BTN3A3: variants seen among roughly 807,000 people sequenced by gnomAD.
BTN3A3 encodes butyrophilin 3.
In BTN3A3, 39 loss-of-function variants were observed where a neutral mutation model predicts 43.2. The observed-to-expected ratio is 0.90, with a 90% CI of 0.70 to 1.18. BTN3A3 has a LOEUF of 1.18. Among genes scored for constraint, BTN3A3 ranks in the 50% most tolerant of loss-of-function variants. BTN3A3 has a pLI of 0.00. For synonymous variants in BTN3A3, 255 were observed against 272.7 expected, an observed-to-expected ratio of 0.93 and a Z score of 0.64; for missense variants, 631 against 722.8, an observed-to-expected ratio of 0.87 and a Z score of 1.46.
chr6:26,448,321 C>T lies in BTN3A3; in HGVS notation c.789C>T (p.Leu263=), dbSNP rs371725478. The T allele has an allele frequency of 8.1e-6, 13 of 1,613,614 alleles. No individual in the cohort carries two copies. The highest frequency in any genetic ancestry group is 4.4e-5 in the South Asian group (4 of 91,054). Reference sequence around the variant, plus strand: ...CCCTGCCTATCTCGTTGCTGCTTCTCGCAGGAGCCAGTTACTTCTTGTGGA... The same window carrying T: ...CCCTGCCTATCTCGTTGCTGCTTCTTGCAGGAGCCAGTTACTTCTTGTGGA... ...AGTLPISLLL[L]AGASYFLWRQ... is the part of the protein sequence containing the mutation. The change falls in exon 6 of 11, where the codon CTC becomes CTT. Residue 263 remains leucine, a synonymous_variant. Coordinates refer to ENST00000244519, the MANE Select transcript of BTN3A3 (RefSeq NM_006994.5).
At chr6:26,449,162 A>G (rs1762862516) in intron 8 of BTN3A3, 1 of 219,326 alleles carries the variant, frequency 4.6e-6, no homozygotes, top group African/African-American at 2.3e-5. Context: ...AAGAGATAAG[A>G]AAATCAGAAA....
At chr6:26,443,760 C>T (rs1210655370) in intron 3 of BTN3A3, 101 bp downstream of exon 3, 42 of 1,502,308 alleles carry the variant, frequency 2.8e-5, no homozygotes, top group Non-Finnish European at 3.7e-5. Context: ...CTCTTAGAAC[C>T]TTTAACTCAT....
Position 26,445,877 on chromosome 6 carries a change from G to A in BTN3A3, c.607G>A (p.Ala203Thr), listed in dbSNP as rs759929819. Residue 203 changes from alanine to threonine, a missense_variant, in exon 5 of 11, where the codon GCA becomes ACA. Around this residue, in one of 2 missense-constraint regions of BTN3A3, gnomAD observed 551 missense variants for 584.0 expected, o/e 0.94. Transcript: ENST00000244519. ...GGTTGCAGATGGAGTGGGCCTGTAT[G>A]CAGTAGCAGCATCTGTGATCATGAG... Reference protein sequence around the residue: ...PVVADGVGLYAVAASVIMRGS... With the variant: ...PVVADGVGLYTVAASVIMRGS... 6.2e-7 allele frequency: 1 copy of A among 1,614,224 alleles called. No individual in the cohort carries two copies. Among genetic ancestry groups the A allele is most frequent in the South Asian group, 1.1e-5 (1 of 91,080 alleles).
rs1187180157 is a variant in BTN3A3 at position 26,451,979 on chromosome 6, G to GT, written c.1324dup (p.Tyr442LeufsTer6). The GT allele has an allele frequency of 6.2e-7, 1 of 1,614,170 alleles. No homozygotes were observed. The highest frequency in any genetic ancestry group is 2.2e-5 in the East Asian group (1 of 44,886). On this transcript the variant is annotated frameshift_variant, in exon 11 of 11. Coordinates refer to ENST00000244519, the MANE Select transcript of BTN3A3 (RefSeq NM_006994.5). LOFTEE classifies it low-confidence loss of function (END_TRUNC). ...CTATGGGCCTGACTGATGGGAATAA[G>GT]TATCGGGCTCTCACTGAGCCCAGAA...
At chr6:26,448,775 C>G in intron 8 of BTN3A3, 21 bp downstream of exon 8, 2 of 1,613,502 alleles carry the variant, frequency 1.2e-6, no homozygotes, top group Non-Finnish European at 1.7e-6. Flanking sequence ...CTGACATTTT[C>G]TCTGAATTTG....
At chr6:26,450,217 G>A (rs1247337143) in intron 10 of BTN3A3, 84 bp downstream of exon 10, 7 of 1,516,286 alleles carry the variant, frequency 4.6e-6, no homozygotes, top group Non-Finnish European at 6.3e-6. Context: ...GTGATTTAGG[G>A]AAGAAAAGTT....
Position 26,445,692 on chromosome 6 carries a change from A to G in BTN3A3, c.434-12A>G. ...AGCTCTCAAGAATTTAGGGCAATTT[A>G]TCCTTCTACAGCATTGGGTTCTGAT... On this transcript the variant is annotated splice_polypyrimidine_tract_variant and intron_variant, in intron 4 of 10. Transcript: ENST00000244519. 1 of 1,608,958 alleles carries G rather than the reference A, an allele frequency of 6.2e-7. No individual in the cohort carries two copies. The highest frequency in any genetic ancestry group is 8.5e-7 in the Non-Finnish European group (1 of 1,175,822).
chr6:26,442,261 T>A (rs1336348951), intron 1 of BTN3A3, among the ~76,000 whole-genome samples: 1 of 152,202 alleles, frequency 6.6e-6, no homozygotes, highest in Non-Finnish European at 1.5e-5. Flanking sequence ...CTGAGCAGCT[T>A]ATATGTTCCA....
At chr6:26,444,477 A>G (rs1261745224) in intron 4 of BTN3A3, 173 bp downstream of exon 4, 3 of 1,063,650 alleles carry the variant, frequency 2.8e-6, no homozygotes, top group African/African-American at 3.2e-5. Context: ...CTTTCTTTAG[A>G]AAGAATTCCT....
chr6:26,443,524 G>T (rs1339269986), intron 2 of BTN3A3, 46 bp from the exon 3 acceptor site: 4 of 1,611,394 alleles, frequency 2.5e-6, no homozygotes, highest in Middle Eastern at 1.6e-4. Flanking sequence ...GCTTCTTCCA[G>T]GCCATAGTGT....
Position 26,443,585 on chromosome 6 carries a change from C to T in BTN3A3, c.11C>T (p.Ala4Val). MKM[A>V]SSLAFLLLNF... Reference sequence around the variant, plus strand: ...TGATATGCAGCATAGATGAAAATGGCAAGTTCCCTGGCTTTCCTTCTGCTC... The same window carrying T: ...TGATATGCAGCATAGATGAAAATGGTAAGTTCCCTGGCTTTCCTTCTGCTC... The change falls in exon 3 of 11, where the codon GCA becomes GTA. Residue 4 changes from alanine to valine, a missense_variant. By Grantham distance (64) the Ala-to-Val change is moderately conservative (BLOSUM62 0). Transcript: ENST00000244519. 5.0e-6 allele frequency: 8 copies of T among 1,614,184 alleles called. No homozygotes were observed. Among genetic ancestry groups the T allele is most frequent in the Non-Finnish European group, 6.8e-6 (8 of 1,180,020 alleles).
chr6:26,451,506 C>T (rs1762928665), intron 10 of BTN3A3, among the ~76,000 whole-genome samples, 169 bp from the exon 11 acceptor site: 1 of 152,122 alleles, frequency 6.6e-6, no homozygotes, highest in Non-Finnish European at 1.5e-5. Context: ...GGACACAAGA[C>T]CCCTTGAGCT....
chr6:26,448,510 C>G, intron 6 of BTN3A3, 62 bp downstream of exon 6: 1 of 1,607,578 alleles, frequency 6.2e-7, no homozygotes. Flanking sequence ...GAAGATCTCA[C>G]CCCCATTCCC....
rs375676331 is a variant in BTN3A3 at position 26,442,079 on chromosome 6, C to T, written c.-66-1303C>T. Reference sequence around the variant, plus strand: ...GATCCAGGCGAGGGTGGAGGATGGCCGGCTGCACAGACCTCTGTTCCGGTG... The same window carrying T: ...GATCCAGGCGAGGGTGGAGGATGGCTGGCTGCACAGACCTCTGTTCCGGTG... On this transcript the variant is annotated intron_variant, in intron 1 of 10. Coordinates refer to ENST00000244519, the MANE Select transcript of BTN3A3 (RefSeq NM_006994.5). Among the ~76,000 whole-genome samples the T allele has an allele frequency of 1.2e-4, 18 of 152,210 alleles. No homozygotes were observed. In the South Asian group the frequency reaches 3.1e-3, roughly 26 times the overall value.
chr6:26,442,140 C>T (rs1178836617), intron 1 of BTN3A3, among the ~76,000 whole-genome samples: 3 of 152,148 alleles, frequency 2.0e-5, no homozygotes, highest in Non-Finnish European at 4.4e-5. Flanking sequence ...CCTCTGCAGA[C>T]CTTGTTCTCA....
intron 1 of BTN3A3, among the ~76,000 whole-genome samples, chr6:26,442,937 C>G (rs1184308537): frequency 6.6e-6 from 1 of 152,222 alleles, no homozygotes. Context: ...GTAGGCCTCA[C>G]CCATTGTGGG....
chr6:26,451,600 A>T, intron 10 of BTN3A3, 75 bp from the exon 11 acceptor site: 3 of 1,552,624 alleles, frequency 1.9e-6, no homozygotes, highest in Non-Finnish European at 2.6e-6. Flanking sequence ...AGCATGGTCC[A>T]GGCCTTGCAT....
rs570459961 is a variant in BTN3A3, at chr6:26,445,858, A to C, written c.588A>C (p.Ala196=). The change falls in exon 5 of 11, where the codon GCA becomes GCC. Residue 196 remains alanine, a synonymous_variant. Transcript: ENST00000244519. ...NIPAVEAPVV[A]DGVGLYAVAA... ...CGGCTGTGGAAGCACCTGTGGTTGC[A>C]GATGGAGTGGGCCTGTATGCAGTAG... 4.6e-5 allele frequency: 74 copies of C among 1,614,098 alleles called. No individual in the cohort carries two copies. Among genetic ancestry groups the C allele is most frequent in the Non-Finnish European group, 6.3e-5 (74 of 1,180,044 alleles).
chr6:26,447,641 G>A (rs1762814550), intron 5 of BTN3A3, among the ~76,000 whole-genome samples: 1 of 152,286 alleles, frequency 6.6e-6, no homozygotes, highest in East Asian at 1.9e-4. Context: ...GGGATTACAG[G>A]CATGACCCAC....
Sources: allele counts gnomAD v4.1 joint callset (sites outside exome capture counted in the v4.1 genomes callset), GRCh38; gene constraint gnomAD v4.1.1; regional missense constraint gnomAD v4.1.1; transcripts MANE v1.5; gene names NCBI Gene and HGNC (gene_info 2026-07-23, HGNC 2026-07-21).